Variants in SKIC3 observed in about 807,000 individuals in gnomAD.
SKIC3 encodes superkiller complex protein 3.
chr5:95,554,953 C>G, the SKIC3 span: 76 of 251,008 alleles, frequency 3.0e-4, no homozygotes, highest in African/African-American at 1.6e-3. Context: ...AGATGCTCCT[C>G]TTCTACAAAC....
the SKIC3 span, chr5:95,503,030 A>G: frequency 6.2e-7 from 1 of 1,613,100 alleles, no homozygotes; most frequent in Non-Finnish European, 8.5e-7. Context: ...AAAACAAACA[A>G]AACAATATAA....
chr5:95,484,912 G>A, the SKIC3 span: 21 of 1,559,316 alleles, frequency 1.3e-5, no homozygotes, highest in African/African-American at 2.7e-5. Context: ...AGGAGTAACT[G>A]GTTGCTAAAA....
the SKIC3 span, among the ~76,000 whole-genome samples, chr5:95,548,034 C>A: frequency 1.3e-5 from 2 of 151,970 alleles, no homozygotes; most frequent in Non-Finnish European, 2.9e-5. Context: ...AGTATTTCTT[C>A]ATTTAGTCTT....
At chr5:95,498,474 T>C in the SKIC3 span, 1 of 1,614,170 alleles carries the variant, frequency 6.2e-7, no homozygotes, top group Non-Finnish European at 8.5e-7. Flanking sequence ...TGTCTTTGTG[T>C]TTGATGTGCT....
the SKIC3 span, among the ~76,000 whole-genome samples, chr5:95,500,694 C>T: frequency 2.6e-5 from 4 of 152,264 alleles, no homozygotes; most frequent in South Asian, 8.3e-4. Flanking sequence ...GAGATGCAAT[C>T]TAACATCCGT....
At chr5:95,496,137 C>A in the SKIC3 span, among the ~76,000 whole-genome samples, 1 of 152,006 alleles carries the variant, frequency 6.6e-6, no homozygotes, top group Non-Finnish European at 1.5e-5. Context: ...TCTGCCTCAG[C>A]CTCCCGAGTA....
the SKIC3 span, chr5:95,503,868 T>C: frequency 5.6e-6 from 9 of 1,613,968 alleles, no homozygotes; most frequent in Admixed American, 1.7e-5. Flanking sequence ...GCAAAACCTA[T>C]GATGTCTTCT....
chr5:95,545,101 G>A, the SKIC3 span, among the ~76,000 whole-genome samples: 1 of 152,098 alleles, frequency 6.6e-6, no homozygotes, highest in African/African-American at 2.4e-5. Context: ...CTATTTGGTG[G>A]AATTAATATC....
the SKIC3 span, among the ~76,000 whole-genome samples, chr5:95,488,127 A>C: frequency 3.3e-5 from 5 of 152,132 alleles, no homozygotes. Flanking sequence ...CAAACAACCT[A>C]GTGAGACAAA....
the SKIC3 span, among the ~76,000 whole-genome samples, chr5:95,480,111 A>C: frequency 6.6e-6 from 1 of 152,144 alleles, no homozygotes; most frequent in South Asian, 2.1e-4. Flanking sequence ...TTATAGACCT[A>C]AACATGAAAA....
the SKIC3 span, among the ~76,000 whole-genome samples, chr5:95,492,704 T>TAAAAAAAAAAAAAAAA: frequency 1.4e-5 from 1 of 73,860 alleles, no homozygotes; most frequent in Non-Finnish European, 3.1e-5. Flanking sequence ...ACAACTAAAC[T>TAAAAAAAAAAAAAAAA]AGATAACAGC....
the SKIC3 span, among the ~76,000 whole-genome samples, chr5:95,466,564 A>G: frequency 1.3e-5 from 2 of 152,220 alleles, no homozygotes; most frequent in South Asian, 2.1e-4. Flanking sequence ...TAAAAAGACT[A>G]TAAGGGGTAT....
chr5:95,470,097 C>G, the SKIC3 span, among the ~76,000 whole-genome samples: 1 of 151,898 alleles, frequency 6.6e-6, no homozygotes, highest in South Asian at 2.1e-4. Context: ...CCTGCCTCAG[C>G]CTCCGGAGTA....
the SKIC3 span, among the ~76,000 whole-genome samples, chr5:95,542,594 CT>C: frequency 6.6e-6 from 1 of 152,178 alleles, no homozygotes; most frequent in Non-Finnish European, 1.5e-5. Context: ...AGCAATTTCT[CT>C]AACTGTGTTA....
the SKIC3 span, chr5:95,520,659 T>A: frequency 7.4e-7 from 1 of 1,354,450 alleles, no homozygotes; most frequent in South Asian, 1.3e-5. Context: ...ATCTTCTAAA[T>A]TTGGCTTCAT....
the SKIC3 span, chr5:95,498,635 T>C: frequency 6.4e-7 from 1 of 1,559,032 alleles, no homozygotes; most frequent in African/African-American, 1.4e-5. Context: ...GTCTTTTTTT[T>C]TTTTTTTTGA....
At chr5:95,551,469 T>C in the SKIC3 span, among the ~76,000 whole-genome samples, 23 of 152,194 alleles carry the variant, frequency 1.5e-4, no homozygotes, top group Non-Finnish European at 3.1e-4. Context: ...ACTCCAACAG[T>C]AGAAAGTCTT....
the SKIC3 span, chr5:95,529,201 A>G: frequency 1.1e-6 from 1 of 916,396 alleles, no homozygotes; most frequent in Non-Finnish European, 1.8e-6. Flanking sequence ...TCCCCTCTTC[A>G]TCTCTCATAT....
the SKIC3 span, chr5:95,528,722 G>A: frequency 7.2e-6 from 3 of 416,856 alleles, no homozygotes; most frequent in South Asian, 6.7e-5. Flanking sequence ...AAACTTCCTT[G>A]TTACAAAGAC....
Sources: gnomAD v4.1 joint callset for allele counts (sites outside exome capture counted in the v4.1 genomes callset) on GRCh38, gnomAD v4.1.1 for gene constraint, MANE v1.5 for transcripts, NCBI Gene and HGNC (gene_info 2026-07-23, HGNC 2026-07-21) for gene names.